Variants in PTGIS observed in about 807,000 individuals in gnomAD.
PTGIS encodes the protein prostacyclin synthase.
Under a neutral mutation model 50.3 loss-of-function variants are expected in PTGIS, and 45 were observed. That is an observed-to-expected ratio of 0.90 (90% CI 0.70 to 1.15). The LOEUF is 1.15. Among genes scored for constraint, PTGIS ranks in the 50% most tolerant of loss-of-function variants. The pLI is 0.00. For missense variants in PTGIS, 668 were observed against 661.3 expected, an observed-to-expected ratio of 1.01 and a Z score of -0.11; for synonymous variants, 260 against 267.7, an observed-to-expected ratio of 0.97 and a Z score of 0.28.
chr20:49,510,721 G>T (rs1013567534), intron 9 of PTGIS, among the ~76,000 whole-genome samples: 7 of 152,174 alleles, frequency 4.6e-5, no homozygotes, highest in Non-Finnish European at 8.8e-5. Context: ...GCTGCAGACG[G>T]GTAGCTACGG....
At chr20:49,544,875 T>G (rs1031034324) in intron 3 of PTGIS, among the ~76,000 whole-genome samples, 1 of 152,212 alleles carries the variant, frequency 6.6e-6, no homozygotes, top group Non-Finnish European at 1.5e-5. Context: ...CATAGCGTTC[T>G]GGAAGAGAAG....
Position 49,511,096 on chromosome 20 carries a change from G to A in PTGIS, c.1290C>T (p.Tyr430=), listed in dbSNP as rs2122836981. Residue 430 remains tyrosine, a synonymous_variant, in exon 9 of 10, where the codon TAC becomes TAT. Coordinates refer to ENST00000244043, the MANE Select transcript of PTGIS (RefSeq NM_000961.4). ...FYKDGKRLKN[Y]NMPWGAGHNH... ...TGTGCCCCGCCCCCCAGGGCATGTT[G>A]TAATTCTTCAGCCGTTTCCCATCCT... 6.2e-7 allele frequency: 1 copy of A among 1,614,174 alleles called. No homozygotes were observed. The highest frequency in any genetic ancestry group is 8.5e-7 in the Non-Finnish European group (1 of 1,180,032).
intron 5 of PTGIS, among the ~76,000 whole-genome samples, chr20:49,533,466 T>C (rs1981987800): frequency 6.6e-6 from 1 of 152,128 alleles, no homozygotes; most frequent in Non-Finnish European, 1.5e-5. Flanking sequence ...CTCAATGGCC[T>C]AAGGGTTCTC....
At chr20:49,549,700 C>G (rs929729431) in intron 2 of PTGIS, among the ~76,000 whole-genome samples, 1 of 151,992 alleles carries the variant, frequency 6.6e-6, no homozygotes, top group African/African-American at 2.4e-5. Flanking sequence ...GATGGAAGGA[C>G]GCTTAGTAGA....
chr20:49,514,158 T>G, intron 7 of PTGIS, 69 bp downstream of exon 7: 2 of 1,581,506 alleles, frequency 1.3e-6, no homozygotes, highest in East Asian at 4.5e-5. Flanking sequence ...GAGTCCATGT[T>G]GGGGAGGGCT....
intron 3 of PTGIS, among the ~76,000 whole-genome samples, 197 bp downstream of exon 3, chr20:49,547,644 C>T (rs1169051213): frequency 1.4e-5 from 2 of 145,854 alleles, no homozygotes; most frequent in African/African-American, 2.7e-5. Context: ...CAAAAAAACC[C>T]GCCAGAGATG....
At chr20:49,526,937 A>G (rs1303203353) in intron 5 of PTGIS, among the ~76,000 whole-genome samples, 1 of 152,192 alleles carries the variant, frequency 6.6e-6, no homozygotes, top group Non-Finnish European at 1.5e-5. Context: ...AAAGTTAAAG[A>G]ATTACCATAT....
intron 5 of PTGIS, among the ~76,000 whole-genome samples, chr20:49,536,632 C>T (rs1031467892): frequency 7.2e-5 from 11 of 151,938 alleles, no homozygotes; most frequent in African/African-American, 2.2e-4. Flanking sequence ...AGGCGCCCAC[C>T]ACCACGCCCA....
At position 49,568,117 on chromosome 20, in the gene PTGIS, C is replaced by CGCGGGGATGGCGGGGCTG; in HGVS notation, c.-2_-1insCAGCCCCGCCATCCCCGC. ...GGCCGAGGAGCGCGGCCCAAGCCAT[C>CGCGGGGATGGCGGGGCTG]GCGGGGCTGGCGGGGCTGGCGGGGC... On this transcript the variant is annotated 5_prime_UTR_variant, in exon 1 of 10. Transcript: ENST00000244043. The CGCGGGGATGGCGGGGCTG allele has an allele frequency of 2.5e-6, 2 of 784,884 alleles. No individual in the cohort carries two copies. The highest frequency in any genetic ancestry group is 1.8e-6 in the Non-Finnish European group (1 of 569,000). 48.6% of individuals were successfully genotyped at this position (784,884 alleles called of 1,614,324 possible).
Position 49,544,329 on chromosome 20 carries a change from T to C in PTGIS, c.497A>G (p.Asp166Gly). ...CCTGAGCAGGAAGCTGTAGGAGAAG[T>C]CGAGGAGACCCATCTCGTGCCAGCC... ...GSGWHEMGLLDFSYSFLLRAG... is the reference protein window; with the variant it reads ...GSGWHEMGLLGFSYSFLLRAG... Residue 166 changes from aspartate to glycine, a missense_variant, in exon 4 of 10, where the codon GAC (aspartate) becomes GGC (glycine). Asp to Gly is a moderately conservative substitution (Grantham distance 94). Transcript: ENST00000244043. 1 of 1,614,090 alleles carries C rather than the reference T, an allele frequency of 6.2e-7. No individual in the cohort carries two copies. The highest frequency in any genetic ancestry group is 1.1e-5 in the South Asian group (1 of 91,082).
At position 49,514,304 on chromosome 20, in the gene PTGIS, A is replaced by AT. The variant is rs1568669170; in HGVS notation, c.946dup (p.Ile316AsnfsTer27). On this transcript the variant is annotated frameshift_variant, in exon 7 of 10. Coordinates refer to ENST00000244043, the MANE Select transcript of PTGIS (RefSeq NM_000961.4). LOFTEE classifies it high-confidence loss of function. ...GACAGGCTGCTCCGCTTGCCAAAGG[A>AT]TACTCTCGAGCTCTCCGCGGACAGC... is the stretch of plus-strand genomic sequence containing the variant. 2.5e-6 allele frequency: 4 copies of AT among 1,614,126 alleles called. No individual in the cohort carries two copies. Among genetic ancestry groups the AT allele is most frequent in the Non-Finnish European group, 3.4e-6 (4 of 1,180,044 alleles).
Position 49,503,974 on chromosome 20 carries a change from C to T in PTGIS, c.*3946G>A, listed in dbSNP as rs1981067595. The T allele has an allele frequency of 6.6e-6, 1 of 152,260 alleles. No individual in the cohort carries two copies. Among genetic ancestry groups the T allele is most frequent in the Non-Finnish European group, 1.5e-5 (1 of 68,050 alleles). 9.4% of individuals were successfully genotyped at this position (152,260 alleles called of 1,614,324 possible). ...TTAAAATAGCAAGGCATAACAATCA[C>T]TGCTACTCAGGAAACACTGTGTTTA... On this transcript the variant is annotated 3_prime_UTR_variant, in exon 10 of 10. Coordinates refer to ENST00000244043, the MANE Select transcript of PTGIS (RefSeq NM_000961.4).
chr20:49,510,947 G>A, intron 9 of PTGIS, 81 bp downstream of exon 9: 1 of 1,357,388 alleles, frequency 7.4e-7, no homozygotes, highest in South Asian at 1.2e-5. Flanking sequence ...TCCTGGCTGA[G>A]CCCTCAGTCC....
chr20:49,552,293 T>A (rs573266855), intron 1 of PTGIS, among the ~76,000 whole-genome samples: 2 of 152,218 alleles, frequency 1.3e-5, no homozygotes, highest in Non-Finnish European at 2.9e-5. Context: ...CTTAGTCTCA[T>A]GATATCTCTC....
chr20:49,509,496 G>C (rs1414089769), intron 9 of PTGIS, among the ~76,000 whole-genome samples: 1 of 152,190 alleles, frequency 6.6e-6, no homozygotes, highest in African/African-American at 2.4e-5. Flanking sequence ...TCTAACACTT[G>C]TTTTGAACAG....
chr20:49,514,279 G>C lies in PTGIS; in HGVS notation c.972C>G (p.Val324=). The change falls in exon 7 of 10, where the codon GTC becomes GTG. Residue 324 remains valine (V), a synonymous_variant. Transcript: ENST00000244043. ...TCTGTGGGAGAGTGGTCGTCTGCGA[G>C]ACAGGCTGCTCCGCTTGCCAAAGGA... The part of the protein sequence containing the change: ...ESILWQAEQP[V]SQTTTLPQKV... 1 of 1,614,118 alleles carries C rather than the reference G, an allele frequency of 6.2e-7. No homozygotes were observed. The highest frequency in any genetic ancestry group is 8.5e-7 in the Non-Finnish European group (1 of 1,180,044).
chr20:49,532,644 T>C (rs945871536), intron 5 of PTGIS, among the ~76,000 whole-genome samples: 7 of 152,224 alleles, frequency 4.6e-5, no homozygotes, highest in Admixed American at 3.9e-4. Flanking sequence ...TAGCAAATTA[T>C]TAGCCCAAGG....
At chr20:49,558,130 T>G (rs1029789337) in intron 1 of PTGIS, among the ~76,000 whole-genome samples, 1 of 152,208 alleles carries the variant, frequency 6.6e-6, no homozygotes, top group Non-Finnish European at 1.5e-5. Context: ...GTCTCATGCC[T>G]ATAATCCCAA....
intron 1 of PTGIS, among the ~76,000 whole-genome samples, chr20:49,560,084 C>T (rs963521959): frequency 1.2e-4 from 18 of 152,142 alleles, no homozygotes; most frequent in South Asian, 2.1e-4. Context: ...CCACCACGCC[C>T]GGCCAATTTT....
Sources: gnomAD v4.1 joint callset for allele counts (sites outside exome capture counted in the v4.1 genomes callset) on GRCh38, gnomAD v4.1.1 for gene constraint, MANE v1.5 for transcripts, NCBI Gene and HGNC (gene_info 2026-07-23, HGNC 2026-07-21) for gene names.